EXO1: variants seen among roughly 807,000 people sequenced by gnomAD.
The protein encoded by EXO1 is exonuclease 1.
A neutral mutation model predicts 84.5 loss-of-function variants in EXO1; 69 were observed. That is an observed-to-expected ratio of 0.82 (90% confidence interval 0.67 to 1.00). The LOEUF is 1.00. Among genes scored for constraint, EXO1 ranks in the 50% least tolerant of loss-of-function variants. The pLI is 0.00. For synonymous variants in EXO1, 373 were observed against 366.1 expected (o/e 1.02, Z -0.21); for missense variants, 1,045 against 1,000.7 (o/e 1.04, Z -0.60).
chr1:241,852,234 A>G, intron 4 of EXO1, 58 bp from the exon 5 acceptor site: 1 of 1,494,682 alleles, frequency 6.7e-7, no homozygotes, highest in Non-Finnish European at 9.2e-7. Flanking sequence ...CCTAAAATAG[A>G]GCAGAAGTAT....
chr1:241,865,622 G>A (rs111480135), intron 10 of EXO1, among the ~76,000 whole-genome samples: 2 of 151,662 alleles, frequency 1.3e-5, no homozygotes, highest in African/African-American at 2.4e-5. Context: ...GGAATGCTAA[G>A]ATGGCCATCC....
chr1:241,848,456 G>A lies in EXO1; in HGVS notation c.-420+103G>A, dbSNP rs531879351. ...TCTCGGGATTCGGGTCTTCCAGGAAGGGAAGGAGAGGGTCTGGCGTGATCT... is the reference window on the plus strand; with the variant it reads ...TCTCGGGATTCGGGTCTTCCAGGAAAGGAAGGAGAGGGTCTGGCGTGATCT... On this transcript the variant is annotated intron_variant, in intron 1 of 15. Coordinates refer to ENST00000366548, the MANE Select transcript of EXO1 (RefSeq NM_130398.4). This position sits in a 1 kb window ranked among gnomAD's most constrained non-coding sequence, Gnocchi z 4.2. The A allele has an allele frequency of 6.6e-6, 1 of 152,488 alleles. No homozygotes were observed. The highest frequency in any genetic ancestry group is 1.9e-4 in the East Asian group (1 of 5,172). The allele number at this position is 152,488 out of a possible 1,614,324, so 9.4% of individuals were successfully genotyped here. A position where few individuals can be genotyped will look rare whatever the true frequency, so the allele number is the denominator to read the frequency against.
At chr1:241,872,807 A>G (rs1248856115) in intron 12 of EXO1, among the ~76,000 whole-genome samples, 1 of 152,218 alleles carries the variant, frequency 6.6e-6, no homozygotes, top group Non-Finnish European at 1.5e-5. Context: ...TAGTGCTGCA[A>G]TAAACATACG....
At chr1:241,853,135 T>TTGTGTG (rs139745272) in intron 5 of EXO1, among the ~76,000 whole-genome samples, 4 of 151,486 alleles carry the variant, frequency 2.6e-5, no homozygotes, top group African/African-American at 9.7e-5. Flanking sequence ...AATGGTAATC[T>TTGTGTG]TGTGTGTGTG....
chr1:241,851,071 C>T (rs534658723), intron 4 of EXO1, among the ~76,000 whole-genome samples: 6 of 152,148 alleles, frequency 3.9e-5, no homozygotes, highest in African/African-American at 1.4e-4. Flanking sequence ...CTCAAGTGAT[C>T]CGCCTGCTTT....
chr1:241,866,007 T>G (rs935099844), intron 10 of EXO1, among the ~76,000 whole-genome samples: 1 of 152,224 alleles, frequency 6.6e-6, no homozygotes, highest in African/African-American at 2.4e-5. Flanking sequence ...ATGATTTTTT[T>G]TGTGTCTTTG....
At chr1:241,881,184 T>A (rs891608212) in intron 13 of EXO1, among the ~76,000 whole-genome samples, 3 of 152,048 alleles carry the variant, frequency 2.0e-5, no homozygotes, top group African/African-American at 7.2e-5. Flanking sequence ...TGTGCCACCA[T>A]GCCCGGCTAA....
intron 14 of EXO1, among the ~76,000 whole-genome samples, 175 bp from the exon 15 acceptor site, chr1:241,885,139 G>A (rs1662979432): frequency 6.6e-6 from 1 of 151,130 alleles, no homozygotes; most frequent in African/African-American, 2.4e-5. Flanking sequence ...CCCGGGAGGT[G>A]GAGCTTGCAG....
At position 241,860,539 on chromosome 1, in the gene EXO1, A is replaced by G. The variant is rs1661322818; in HGVS notation, c.779A>G (p.Tyr260Cys). The G allele has an allele frequency of 6.2e-7, 1 of 1,613,932 alleles. No individual in the cohort carries two copies. Among genetic ancestry groups the G allele is most frequent in the Non-Finnish European group, 8.5e-7 (1 of 1,179,786 alleles). ...TAGGTTATCAAGAAAATTGGACATTATCTCAAGATGAATATCACGGTACCA... is the reference window on the plus strand; with the variant it reads ...TAGGTTATCAAGAAAATTGGACATTGTCTCAAGATGAATATCACGGTACCA... ...IVKVIKKIGH[Y>C]LKMNITVPED... Residue 260 changes from tyrosine (Y) to cysteine (C), a missense_variant, in exon 9 of 16, where the codon TAT becomes TGT. Transcript: ENST00000366548.
intron 10 of EXO1, among the ~76,000 whole-genome samples, 195 bp from the exon 11 acceptor site, chr1:241,866,635 G>A (rs1349065934): frequency 1.4e-5 from 2 of 146,566 alleles, no homozygotes; most frequent in Non-Finnish European, 3.0e-5. Flanking sequence ...AACAGGCCTA[G>A]GAATATAAGA....
intron 5 of EXO1, 28 bp from the exon 6 acceptor site, chr1:241,853,330 A>C (rs745643236): frequency 8.7e-6 from 14 of 1,611,728 alleles, no homozygotes; most frequent in East Asian, 2.2e-5. Context: ...TAAATGTTTT[A>C]TATTTAAAAA....
Position 241,872,348 on chromosome 1 carries a change from T to A in EXO1, c.1514+70T>A. The A allele has an allele frequency of 9.8e-6, 15 of 1,524,798 alleles. No individual in the cohort carries two copies. In the South Asian group the frequency reaches 1.5e-4, roughly 15 times the overall value. The allele number at this position is 1,524,798 out of a possible 1,614,324, so 94.5% of individuals were successfully genotyped here. ...ACTCTGTTGGTATTTATTTTGTCTT[T>A]TTTTAGAATTAATTTATTTATTATA... On this transcript the variant is annotated intron_variant, in intron 12 of 15. Transcript: ENST00000366548.
At chr1:241,889,433 A>G (rs1663257133) in intron 15 of EXO1, 32 bp from the exon 16 acceptor site, 1 of 1,603,410 alleles carries the variant, frequency 6.2e-7, no homozygotes, top group Non-Finnish European at 8.5e-7. Context: ...AGTACCTTAA[A>G]AATACCAAAT....
Position 241,858,595 on chromosome 1 carries a change from G to A in EXO1, c.633G>A (p.Thr211=), listed in dbSNP as rs565914499. 1.3e-5 allele frequency: 21 copies of A among 1,614,008 alleles called. No homozygotes were observed. Among genetic ancestry groups the A allele is most frequent in the Admixed American group, 1.0e-4 (6 of 60,012 alleles). The part of the protein sequence containing the change: ...GMCRQLGDVF[T]EEKFRYMCIL... ...GCAGACAGCTTGGGGATGTATTCAC[G>A]GAAGAGAAGTTTCGTTACATGTGTA... The change falls in exon 8 of 16, where the codon ACG becomes ACA. Residue 211 remains threonine, a synonymous_variant. Coordinates refer to ENST00000366548, the MANE Select transcript of EXO1 (RefSeq NM_130398.4).
intron 15 of EXO1, among the ~76,000 whole-genome samples, chr1:241,886,606 CT>C (rs1337629326): frequency 1.1e-4 from 16 of 152,212 alleles, no homozygotes; most frequent in Admixed American, 9.8e-4. Context: ...AGTTTTCAAA[CT>C]TTTTCTTTTC....
chr1:241,888,067 A>T (rs960486357), intron 15 of EXO1, among the ~76,000 whole-genome samples: 1 of 152,184 alleles, frequency 6.6e-6, no homozygotes, highest in African/African-American at 2.4e-5. Flanking sequence ...TTTGTCACAG[A>T]ATATTAAAAA....
chr1:241,885,328 T>G lies in EXO1; in HGVS notation c.2226T>G (p.Tyr742Ter), dbSNP rs1472768446. 1 of 1,613,458 alleles carries G rather than the reference T, an allele frequency of 6.2e-7. No individual in the cohort carries two copies. The highest frequency in any genetic ancestry group is 8.5e-7 in the Non-Finnish European group (1 of 1,179,638). Residue 742 changes from tyrosine (Y) to a stop codon, truncating the protein, a stop_gained, in exon 15 of 16, where the codon TAT becomes TAG. Coordinates refer to ENST00000366548, the MANE Select transcript of EXO1 (RefSeq NM_130398.4). LOFTEE classifies it high-confidence loss of function. ...TTAATCTTCAGGTTCCTGGGCTATA[T>G]AAGTCCAGTTCTGCAGACTCTCTTT... ...TPLRNKVPGLYKSSSADSLST... is the reference protein window; with the variant it reads ...TPLRNKVPGL
At chr1:241,855,862 G>T (rs543604960) in intron 6 of EXO1, among the ~76,000 whole-genome samples, 7 of 152,242 alleles carry the variant, frequency 4.6e-5, no homozygotes, top group Non-Finnish European at 1.0e-4. Flanking sequence ...AGGGCCGGCC[G>T]GCTGCTCTGA....
chr1:241,853,292 T>G (rs925630651), intron 5 of EXO1, 66 bp from the exon 6 acceptor site: 1 of 1,557,280 alleles, frequency 6.4e-7, no homozygotes, highest in Non-Finnish European at 8.8e-7. Flanking sequence ...GAATTACAGT[T>G]CTGTTACAGT....
Sources: allele counts gnomAD v4.1 joint callset (sites outside exome capture counted in the v4.1 genomes callset), GRCh38; gene constraint gnomAD v4.1.1; non-coding constraint Gnocchi (gnomAD v3.1); transcripts MANE v1.5; gene names NCBI Gene and HGNC (gene_info 2026-07-23, HGNC 2026-07-21).